NEIL2: variants seen among roughly 807,000 people sequenced by gnomAD.
NEIL2 encodes endonuclease 8-like 2.
A neutral mutation model predicts 22.2 loss-of-function variants in NEIL2; 23 were observed. The observed-to-expected ratio is 1.04, with a 90% CI of 0.75 to 1.47. NEIL2 has a LOEUF of 1.47. Ranked by LOEUF, NEIL2 falls within the 40% of genes most tolerant of loss-of-function variation. The pLI, the probability that NEIL2 is intolerant of heterozygous loss-of-function variation, is 0.00. For synonymous variants in NEIL2, 229 were observed against 164.8 expected, an observed-to-expected ratio of 1.39 and a Z score of -2.99; for missense variants, 583 against 404.7, an observed-to-expected ratio of 1.44 and a Z score of -3.78.
intron 2 of NEIL2, among the ~76,000 whole-genome samples, chr8:11,772,627 G>C (rs931373125): frequency 1.3e-5 from 2 of 152,182 alleles, no homozygotes; most frequent in Admixed American, 1.3e-4. Flanking sequence ...GTTGAGGGGA[G>C]AGGACAGATG....
intron 4 of NEIL2, among the ~76,000 whole-genome samples, 192 bp downstream of exon 4, chr8:11,783,591 T>G (rs1804638968): frequency 6.6e-6 from 1 of 152,226 alleles, no homozygotes. Flanking sequence ...AGTTTTTAAC[T>G]TGTCTCTCTG....
At position 11,786,160 on chromosome 8, in the gene NEIL2, C is replaced by G; in HGVS notation, c.886C>G (p.Gln296Glu). ...YQKEQCPAGH[Q>E]VMKEAFGPED... ...GAAAGAACAGTGCCCTGCTGGCCAC[C>G]AGGTCATGAAGGAGGCGTTTGGGCC... is the stretch of plus-strand genomic sequence containing the variant. Residue 296 changes from glutamine to glutamate, a missense_variant, in exon 5 of 5, where the codon CAG becomes GAG. Gln to Glu is a conservative substitution (Grantham distance 29, BLOSUM62 2). Transcript: ENST00000284503. The G allele has an allele frequency of 6.2e-7, 1 of 1,613,930 alleles. No individual in the cohort carries two copies. The highest frequency in any genetic ancestry group is 8.5e-7 in the Non-Finnish European group (1 of 1,179,996).
intron 2 of NEIL2, among the ~76,000 whole-genome samples, chr8:11,772,718 G>A (rs1467271139): frequency 6.6e-6 from 1 of 152,228 alleles, no homozygotes; most frequent in African/African-American, 2.4e-5. Flanking sequence ...CACGGGTGGT[G>A]CCTGTGGATG....
chr8:11,786,557 C>A lies in NEIL2; in HGVS notation c.*284C>A. On this transcript the variant is annotated 3_prime_UTR_variant, in exon 5 of 5. Coordinates refer to ENST00000284503, the MANE Select transcript of NEIL2 (RefSeq NM_145043.4). Reference sequence around the variant, plus strand: ...GGTAAGGGGAAAACTTCCCGGAAGGCAATGGGGCAAGGAAAAAGAAAGCCT... The same window carrying A: ...GGTAAGGGGAAAACTTCCCGGAAGGAAATGGGGCAAGGAAAAAGAAAGCCT... 2.1e-6 allele frequency: 1 copy of A among 481,680 alleles called. No homozygotes were observed. Among genetic ancestry groups the A allele is most frequent in the Non-Finnish European group, 3.8e-6 (1 of 264,832 alleles). The allele number at this position is 481,680 out of a possible 1,614,324, so 29.8% of individuals were successfully genotyped here. A position where few individuals can be genotyped will look rare whatever the true frequency, so the allele number is the denominator to read the frequency against.
Position 11,779,323 on chromosome 8 carries a change from C to T in NEIL2, c.139-275C>T, listed in dbSNP as rs536299637. On this transcript the variant is annotated intron_variant, in intron 2 of 4. Transcript: ENST00000284503. ...AGCTACTGCATGAAAAAATTGGGAG[C>T]GATTCCCTTCAGGTATTCCAGGGTG... Among the ~76,000 whole-genome samples, 146 of 152,294 alleles carry T rather than the reference C, an allele frequency of 9.6e-4. 1 individual carries two copies. Among genetic ancestry groups the T allele is most frequent in the African/African-American group, 3.3e-3 (136 of 41,556 alleles).
At chr8:11,782,793 T>G in intron 3 of NEIL2, 1 of 321,728 alleles carries the variant, frequency 3.1e-6, no homozygotes, top group Admixed American at 4.5e-5. Context: ...TGGGGATGTG[T>G]GTATGTGTGT....
intron 4 of NEIL2, 111 bp downstream of exon 4, chr8:11,783,510 T>A: frequency 1.2e-6 from 1 of 859,684 alleles, no homozygotes; most frequent in Non-Finnish European, 2.0e-6. Context: ...GCTGTTGGTT[T>A]TGAGGTGCCA....
At chr8:11,784,680 G>T (rs951859972) in intron 4 of NEIL2, among the ~76,000 whole-genome samples, 6 of 152,174 alleles carry the variant, frequency 3.9e-5, no homozygotes, top group African/African-American at 1.2e-4. Context: ...AGTCCACTGT[G>T]GGTTACTAAA....
intron 3 of NEIL2, chr8:11,782,687 T>G (rs8191636): frequency 0.045 from 8,863 of 196,218 alleles, 592 homozygotes; most frequent in East Asian, 0.29. Flanking sequence ...CATTATAAAA[T>G]CAAAAATTAA....
At position 11,778,849 on chromosome 8, in the gene NEIL2, A is replaced by G. The variant is rs1432134929; in HGVS notation, c.139-749A>G. ...CACCTACAGTCCCAGCTACTTGGGA[A>G]GCTGAGGCAAGAGAATCACTTGAAC... On this transcript the variant is annotated intron_variant, in intron 2 of 4. Coordinates refer to ENST00000284503, the MANE Select transcript of NEIL2 (RefSeq NM_145043.4). Among the ~76,000 whole-genome samples, 3 of 145,166 alleles carry G rather than the reference A, an allele frequency of 2.1e-5. No individual in the cohort carries two copies. The East Asian group carries it at 6.4e-4, about 31-fold the overall frequency.
At chr8:11,771,372 G>A in intron 1 of NEIL2, 74 bp from the exon 2 acceptor site, 1 of 1,588,364 alleles carries the variant, frequency 6.3e-7, no homozygotes, top group Non-Finnish European at 8.6e-7. Flanking sequence ...CATGGAGGAT[G>A]CTTGGCACCT....
intron 2 of NEIL2, among the ~76,000 whole-genome samples, chr8:11,778,491 G>A (rs924172711): frequency 3.9e-5 from 6 of 152,048 alleles, no homozygotes; most frequent in African/African-American, 9.7e-5. Flanking sequence ...CTTTAAGCAC[G>A]GACCTGTAGT....
chr8:11,780,098 G>A lies in NEIL2; in HGVS notation c.491+148G>A, dbSNP rs1014056074. The A allele has an allele frequency of 1.7e-5, 11 of 642,072 alleles. No individual in the cohort carries two copies. The Admixed American group carries it at 2.5e-4, about 15-fold the overall frequency. The allele number at this position is 642,072 out of a possible 1,614,324, so 39.8% of individuals were successfully genotyped here. The stretch of plus-strand genomic sequence containing the variant: ...TGTCTTGGGGAGAGAGGCCACCTCT[G>A]TATCTACCTGTGATAGGAAGTAGAC... On this transcript the variant is annotated intron_variant, in intron 3 of 4. Coordinates refer to ENST00000284503, the MANE Select transcript of NEIL2 (RefSeq NM_145043.4).
chr8:11,775,932 C>T (rs751365650), intron 2 of NEIL2, among the ~76,000 whole-genome samples: 1 of 152,192 alleles, frequency 6.6e-6, no homozygotes, highest in Non-Finnish European at 1.5e-5. Flanking sequence ...CCACATTTTC[C>T]TGTCTTCTTC....
chr8:11,776,682 T>C (rs1243574972), intron 2 of NEIL2, among the ~76,000 whole-genome samples: 2 of 152,174 alleles, frequency 1.3e-5, no homozygotes, highest in African/African-American at 4.8e-5. Flanking sequence ...AATCCTTCCA[T>C]TTTTAACCTC....
intron 4 of NEIL2, among the ~76,000 whole-genome samples, chr8:11,784,975 C>A (rs1384976824): frequency 1.3e-5 from 2 of 151,464 alleles, no homozygotes; most frequent in Non-Finnish European, 2.9e-5. Flanking sequence ...CTCAAGCGAT[C>A]CTCCCACCTT....
chr8:11,771,373 C>A (rs1197230885), intron 1 of NEIL2, 73 bp from the exon 2 acceptor site: 1 of 1,589,622 alleles, frequency 6.3e-7, no homozygotes, highest in African/African-American at 1.3e-5. Context: ...ATGGAGGATG[C>A]TTGGCACCTG....
At chr8:11,780,079 G>T in intron 3 of NEIL2, 129 bp downstream of exon 3, 1 of 726,430 alleles carries the variant, frequency 1.4e-6, no homozygotes. Flanking sequence ...CTGCTGTCTT[G>T]GGGAGAGAGG....
intron 2 of NEIL2, among the ~76,000 whole-genome samples, chr8:11,773,321 G>T (rs1278436279): frequency 1.3e-5 from 2 of 152,134 alleles, no homozygotes; most frequent in South Asian, 4.1e-4. Flanking sequence ...AAACCATGTT[G>T]CAGGGAACCT....
Sources: allele counts gnomAD v4.1 joint callset (sites outside exome capture counted in the v4.1 genomes callset), GRCh38; gene constraint gnomAD v4.1.1; transcripts MANE v1.5; gene names NCBI Gene and HGNC (gene_info 2026-07-23, HGNC 2026-07-21).